NAALADL2: variants seen among roughly 807,000 people sequenced by gnomAD.
NAALADL2 encodes N-acetylated alpha-linked acidic dipeptidase like 2.
A neutral mutation model predicts 87.2 loss-of-function variants in NAALADL2; 76 were observed. That is an observed-to-expected ratio of 0.87 (90% CI 0.72 to 1.05). The LOEUF is 1.05. Among genes scored for constraint, NAALADL2 ranks in the 50% least tolerant of loss-of-function variants. The pLI, the probability that NAALADL2 is intolerant of heterozygous loss-of-function variation, is 0.00. For synonymous variants in NAALADL2, 354 were observed against 331.0 expected (o/e 1.07, Z -0.75); for missense variants, 1,089 against 945.8 (o/e 1.15, Z -1.99).
chr3:175,209,453 T>A (rs1316772364), intron 2 of NAALADL2, among the ~76,000 whole-genome samples: 2 of 152,036 alleles, frequency 1.3e-5, no homozygotes, highest in Non-Finnish European at 2.9e-5. Flanking sequence ...AAAATTTTGT[T>A]CTTGAAAATG....
At chr3:174,944,164 C>G (rs568385490) in intron 1 of NAALADL2, among the ~76,000 whole-genome samples, 5 of 152,270 alleles carry the variant, frequency 3.3e-5, no homozygotes, top group African/African-American at 1.2e-4. Flanking sequence ...GCCTGCTCCT[C>G]CCTCTAGGAG....
chr3:174,823,818 C>T (rs573667071), intron 3 of NAALADL2, among the ~76,000 whole-genome samples: 1 of 152,316 alleles, frequency 6.6e-6, no homozygotes, highest in African/African-American at 2.4e-5. Context: ...TCAAGCTATT[C>T]TCCTGCCTCA....
At chr3:175,056,635 T>C (rs1712249829) in intron 1 of NAALADL2, among the ~76,000 whole-genome samples, 1 of 152,188 alleles carries the variant, frequency 6.6e-6, no homozygotes, top group Non-Finnish European at 1.5e-5. Flanking sequence ...GCTTAGAGCT[T>C]CCAACAGAGA....
chr3:174,729,169 G>T (rs1364590237), intron 2 of NAALADL2, among the ~76,000 whole-genome samples: 2 of 151,972 alleles, frequency 1.3e-5, no homozygotes, highest in Non-Finnish European at 2.9e-5. Context: ...ACGTTTTCTA[G>T]ACTAACATCC....
At chr3:174,908,627 A>G (rs1255784961) in intron 1 of NAALADL2, among the ~76,000 whole-genome samples, 6 of 152,288 alleles carry the variant, frequency 3.9e-5, no homozygotes, top group Middle Eastern at 3.4e-3. Flanking sequence ...CATTAGAAAT[A>G]TAACCTCTTG....
chr3:175,346,026 A>G (rs1218603426), intron 5 of NAALADL2, among the ~76,000 whole-genome samples: 1 of 152,184 alleles, frequency 6.6e-6, no homozygotes, highest in African/African-American at 2.4e-5. Flanking sequence ...AAGGAAATTC[A>G]TGAGAAAGTG....
At chr3:175,499,671 T>A (rs779484170) in intron 9 of NAALADL2, among the ~76,000 whole-genome samples, 1 of 152,138 alleles carries the variant, frequency 6.6e-6, no homozygotes, top group Non-Finnish European at 1.5e-5. Flanking sequence ...ATTATTCTTT[T>A]TGAATCTGTT....
intron 1 of NAALADL2, among the ~76,000 whole-genome samples, chr3:174,980,964 T>A (rs1745034530): frequency 6.6e-6 from 1 of 152,160 alleles, no homozygotes; most frequent in Admixed American, 6.5e-5. Context: ...TATTCAAAAC[T>A]GAAGATTTGT....
At chr3:175,668,624 A>G (rs1278921177) in intron 11 of NAALADL2, among the ~76,000 whole-genome samples, 2 of 152,150 alleles carry the variant, frequency 1.3e-5, no homozygotes, top group Non-Finnish European at 2.9e-5. Context: ...TTCTATGTCC[A>G]AATCTTAATG....
At chr3:174,486,358 G>A (rs1008530416) in intron 1 of NAALADL2, among the ~76,000 whole-genome samples, 1 of 152,058 alleles carries the variant, frequency 6.6e-6, no homozygotes, top group African/African-American at 2.4e-5. Flanking sequence ...TTTTCACTGT[G>A]AGACCCTGAT....
At chr3:174,658,803 A>G (rs555433486) in intron 2 of NAALADL2, among the ~76,000 whole-genome samples, 1 of 152,308 alleles carries the variant, frequency 6.6e-6, no homozygotes, top group African/African-American at 2.4e-5. Flanking sequence ...TTATTTTTCT[A>G]CTGGTACAAA....
intron 1 of NAALADL2, among the ~76,000 whole-genome samples, chr3:175,022,888 C>T (rs1168188848): frequency 6.6e-6 from 1 of 152,092 alleles, no homozygotes; most frequent in Non-Finnish European, 1.5e-5. Context: ...TAACACTGTA[C>T]CAGACCCTGG....
chr3:175,485,931 C>A (rs1412905156), intron 9 of NAALADL2, among the ~76,000 whole-genome samples: 1 of 152,106 alleles, frequency 6.6e-6, no homozygotes, highest in Admixed American at 6.6e-5. Flanking sequence ...TGTGAGGATA[C>A]AATGAAGTGA....
chr3:175,714,534 A>G (rs1317591144), intron 11 of NAALADL2, among the ~76,000 whole-genome samples: 7 of 152,128 alleles, frequency 4.6e-5, no homozygotes, highest in African/African-American at 1.7e-4. Context: ...TCTTCTTTTG[A>G]GAAGTGTCTG....
At chr3:175,373,247 A>T (rs997870822) in intron 5 of NAALADL2, among the ~76,000 whole-genome samples, 3 of 152,318 alleles carry the variant, frequency 2.0e-5, no homozygotes, top group African/African-American at 7.2e-5. Flanking sequence ...CAGTTGTATA[A>T]TCATGACCAC....
chr3:175,593,590 TC>T (rs1430381747), intron 10 of NAALADL2, among the ~76,000 whole-genome samples: 1 of 152,168 alleles, frequency 6.6e-6, no homozygotes, highest in Non-Finnish European at 1.5e-5. Flanking sequence ...TAGGATTGGT[TC>T]TTCTGAGGGT....
At chr3:175,735,144 G>A (rs1292536583) in intron 11 of NAALADL2, among the ~76,000 whole-genome samples, 1 of 152,134 alleles carries the variant, frequency 6.6e-6, no homozygotes, top group East Asian at 1.9e-4. Context: ...CAAATCTCTA[G>A]GATGGGCAAA....
At chr3:174,525,657 A>G (rs910526282) in intron 1 of NAALADL2, among the ~76,000 whole-genome samples, 1 of 152,228 alleles carries the variant, frequency 6.6e-6, no homozygotes, top group Non-Finnish European at 1.5e-5. Context: ...TGTATTTTTA[A>G]TGATGTTTTT....
intron 3 of NAALADL2, among the ~76,000 whole-genome samples, chr3:174,766,343 G>A (rs1441144792): frequency 6.6e-6 from 1 of 152,158 alleles, no homozygotes; most frequent in East Asian, 1.9e-4. Context: ...ACAGCTACTG[G>A]CATTTTTGAT....
Sources: gnomAD v4.1 joint callset for allele counts (sites outside exome capture counted in the v4.1 genomes callset) on GRCh38, gnomAD v4.1.1 for gene constraint, MANE v1.5 for transcripts, NCBI Gene and HGNC (gene_info 2026-07-23, HGNC 2026-07-21) for gene names.